The following JADE2 variants were observed in gnomAD, a reference collection of about 807,000 sequenced individuals.
JADE2 encodes the protein jade family PHD finger 2.
A neutral mutation model predicts 85.7 loss-of-function variants in JADE2; 13 were observed. That is an observed-to-expected ratio of 0.15 (90% CI 0.10 to 0.24). JADE2 has a LOEUF of 0.24. Among genes scored for constraint, JADE2 ranks in the 10% least tolerant of loss-of-function variants. JADE2 has a pLI of 1.00. For synonymous variants in JADE2, 440 were observed against 456.1 expected, an observed-to-expected ratio of 0.96 and a Z score of 0.45; for missense variants, 846 against 1,115.9, an observed-to-expected ratio of 0.76 and a Z score of 3.45.
At chr5:134,552,608 C>CTTG (rs1482644456) in intron 4 of JADE2, among the ~76,000 whole-genome samples, 83 of 152,346 alleles carry the variant, frequency 5.4e-4, no homozygotes, top group African/African-American at 1.9e-3. Flanking sequence ...TGGCACCAGG[C>CTTG]CTGGCAGACA....
chr5:134,579,278 G>C lies in JADE2; in HGVS notation c.2466G>C (p.Gly822=). ...TGCAGCGGGGTCCCCGGGAGGCAGG[G>C]GCAGAGGAGGTGGTCCGCATGGGCG... The part of the protein sequence containing the change: ...GGVQRGPREA[G]AEEVVRMGVL... Residue 822 remains glycine (G), a synonymous_variant, in exon 12 of 12, where the codon GGG becomes GGC. Coordinates refer to ENST00000681547, the MANE Select transcript of JADE2 (RefSeq NM_001388185.1). This position sits in a 1 kb window ranked among gnomAD's most constrained non-coding sequence, Gnocchi z 4.6. The C allele has an allele frequency of 6.2e-7, 1 of 1,612,966 alleles. No homozygotes were observed. The highest frequency in any genetic ancestry group is 8.5e-7 in the Non-Finnish European group (1 of 1,179,744).
intron 3 of JADE2, 128 bp from the exon 4 acceptor site, chr5:134,551,924 C>T (rs908606196): frequency 3.9e-5 from 33 of 837,096 alleles, no homozygotes; most frequent in African/African-American, 1.9e-4. Flanking sequence ...GCTTTTATTT[C>T]GTCTTATTTC....
chr5:134,564,682 T>G (rs1763530383), intron 8 of JADE2, 72 bp downstream of exon 8: 3 of 937,684 alleles, frequency 3.2e-6, no homozygotes, highest in Admixed American at 2.6e-5. Flanking sequence ...AGACAGCAGC[T>G]GCCACCACCT....
Position 134,571,502 on chromosome 5 carries a change from G to T in JADE2, c.1435-2143G>T, listed in dbSNP as rs142158965. Among the ~76,000 whole-genome samples the T allele has an allele frequency of 9.4e-3, 1,434 of 152,258 alleles. 11 individuals carry two copies. The highest frequency in any genetic ancestry group is 0.021 in the African/African-American group (870 of 41,546). ...TCAGGAGGTCAGGAGTTCAAGACTA[G>T]CCTGGCCAACATGGTGAAACCCCAT... On this transcript the variant is annotated intron_variant, in intron 9 of 11. Transcript: ENST00000681547.
chr5:134,560,975 T>C lies in JADE2; in HGVS notation c.684+18T>C. On this transcript the variant is annotated intron_variant, in intron 6 of 11. Coordinates refer to ENST00000681547, the MANE Select transcript of JADE2 (RefSeq NM_001388185.1). ...TGCATCAGGTGGGCAGACCCCCCAG[T>C]CACCCTCACCTGTGCCATGTATACA... The C allele has an allele frequency of 6.2e-7, 1 of 1,603,688 alleles. No individual in the cohort carries two copies. Among genetic ancestry groups the C allele is most frequent in the Non-Finnish European group, 8.5e-7 (1 of 1,173,004 alleles).
intron 4 of JADE2, 52 bp downstream of exon 4, chr5:134,552,261 A>T: frequency 6.4e-7 from 1 of 1,554,178 alleles, no homozygotes; most frequent in Non-Finnish European, 8.7e-7. Context: ...GAGGAAGGGG[A>T]GGCTGCTTTC....
intron 8 of JADE2, 93 bp downstream of exon 8, chr5:134,564,703 A>C: frequency 3.7e-5 from 28 of 748,122 alleles, no homozygotes; most frequent in Non-Finnish European, 5.0e-5. Flanking sequence ...TCTCCCCTCC[A>C]TGGGGCTGCA....
At chr5:134,543,961 G>A (rs1356830886) in intron 3 of JADE2, among the ~76,000 whole-genome samples, 4 of 152,200 alleles carry the variant, frequency 2.6e-5, no homozygotes, top group East Asian at 3.9e-4. Context: ...GCCCCACCCC[G>A]GACTTGCCGG....
intron 9 of JADE2, among the ~76,000 whole-genome samples, chr5:134,567,022 C>T (rs1763684190): frequency 6.6e-6 from 1 of 152,194 alleles, no homozygotes; most frequent in Admixed American, 6.5e-5. Flanking sequence ...TCCCCGTAAC[C>T]CATGCTGAAA....
Position 134,538,007 on chromosome 5 carries a change from C to A in JADE2, c.77C>A (p.Ser26Tyr). 1 of 1,614,054 alleles carries A rather than the reference C, an allele frequency of 6.2e-7. No homozygotes were observed. The highest frequency in any genetic ancestry group is 2.2e-5 in the East Asian group (1 of 44,884). ...DTTDSHATST[S>Y]ASRCSKLPSS... ...TCTGCAGGTCATGCGACATCTACAT[C>A]CGCATCAAGATGCTCCAAACTGCCC... The change falls in exon 3 of 12, where the codon TCC becomes TAC. Residue 26 changes from serine to tyrosine, a missense_variant. By Grantham distance (144) the Ser-to-Tyr change is moderately radical. This residue lies in a region of JADE2 where 47 missense variants were observed against 42.2 expected (regional missense o/e 1.11). Transcript: ENST00000681547.
intron 1 of JADE2, among the ~76,000 whole-genome samples, chr5:134,528,954 C>T (rs974488951): frequency 1.4e-4 from 22 of 152,216 alleles, no homozygotes; most frequent in Non-Finnish European, 2.9e-5. Flanking sequence ...CTCCACTTAG[C>T]TTTCATGGAC....
intron 3 of JADE2, among the ~76,000 whole-genome samples, chr5:134,539,288 C>T (rs907884800): frequency 9.9e-5 from 15 of 152,166 alleles, no homozygotes; most frequent in East Asian, 1.9e-4. Context: ...TGGTCTCGAC[C>T]TCCTGACCTT....
intron 9 of JADE2, among the ~76,000 whole-genome samples, chr5:134,571,421 G>A (rs182048631): frequency 7.4e-4 from 113 of 152,326 alleles, no homozygotes; most frequent in African/African-American, 2.1e-3. Flanking sequence ...GCCCTGGGCC[G>A]GGCGCGGTGG....
chr5:134,545,139 C>CAGCA (rs1345526866), intron 3 of JADE2, among the ~76,000 whole-genome samples: 1 of 152,212 alleles, frequency 6.6e-6, no homozygotes, highest in Non-Finnish European at 1.5e-5. Context: ...TCCAGCCCAC[C>CAGCA]AGCAGTTCCT....
intron 7 of JADE2, 182 bp from the exon 8 acceptor site, chr5:134,564,312 G>A (rs759548378): frequency 1.7e-5 from 9 of 527,862 alleles, no homozygotes; most frequent in Non-Finnish European, 2.8e-5. Context: ...TTGGGAGAGT[G>A]AGGAGGAATT....
At position 134,578,905 on chromosome 5, in the gene JADE2, A is replaced by C; in HGVS notation, c.2093A>C (p.His698Pro). The change falls in exon 12 of 12, where the codon CAC (histidine) becomes CCC (proline). Residue 698 changes from histidine (H) to proline (P), a missense_variant. His to Pro is a moderately conservative substitution (Grantham distance 77). Transcript: ENST00000681547. The surrounding 1 kb of genome is among the most constrained non-coding windows in gnomAD (Gnocchi z 4.4). ...AAGCCACCACGTCGGACATCTTCTC[A>C]CTTGCCGTCCAGCCCTGCAGCCGGG... ...TRKPPRRTSS[H>P]LPSSPAAGDC... The C allele has an allele frequency of 6.2e-7, 1 of 1,613,656 alleles. No individual in the cohort carries two copies. Among genetic ancestry groups the C allele is most frequent in the Non-Finnish European group, 8.5e-7 (1 of 1,179,946 alleles).
chr5:134,567,333 ATGGGTGGGC>A (rs1460966469), intron 9 of JADE2, among the ~76,000 whole-genome samples: 1 of 152,174 alleles, frequency 6.6e-6, no homozygotes, highest in Non-Finnish European at 1.5e-5. Context: ...AGAGTCTGGA[ATGGGTGGGC>A]TGGCTGAAAA....
intron 3 of JADE2, among the ~76,000 whole-genome samples, chr5:134,545,406 T>TG (rs974007786): frequency 2.1e-5 from 3 of 142,958 alleles, no homozygotes; most frequent in East Asian, 2.4e-4. Context: ...AGACGTTGAG[T>TG]GGGGTTTTTT....
intron 1 of JADE2, among the ~76,000 whole-genome samples, chr5:134,531,639 A>G (rs1024382674): frequency 2.6e-5 from 4 of 151,440 alleles, no homozygotes; most frequent in Non-Finnish European, 5.9e-5. Context: ...CTGGAGGGCA[A>G]TGGCACAATC....
Sources: allele counts gnomAD v4.1 joint callset (sites outside exome capture counted in the v4.1 genomes callset), GRCh38; gene constraint gnomAD v4.1.1; regional missense constraint gnomAD v4.1.1; non-coding constraint Gnocchi (gnomAD v3.1); transcripts MANE v1.5; gene names NCBI Gene and HGNC (gene_info 2026-07-23, HGNC 2026-07-21).